Variants in CA10 observed in about 807,000 individuals in gnomAD.
The protein encoded by CA10 is carbonic anhydrase 10 (inactive).
In CA10, 14 loss-of-function variants were observed where a neutral mutation model predicts 44.2. That is an observed-to-expected ratio of 0.32 (90% CI 0.21 to 0.50). CA10 has a LOEUF of 0.50. Ranked by LOEUF, CA10 falls within the 20% of genes least tolerant of loss-of-function variation. The pLI is 0.99. For missense variants in CA10, 350 were observed against 409.7 expected, an observed-to-expected ratio of 0.85 and a Z score of 1.26; for synonymous variants, 159 against 141.6, an observed-to-expected ratio of 1.12 and a Z score of -0.87.
intron 4 of CA10, among the ~76,000 whole-genome samples, chr17:51,675,642 G>A (rs1914601683): frequency 6.6e-6 from 1 of 151,816 alleles, no homozygotes; most frequent in African/African-American, 2.4e-5. Context: ...CTTGAACCCT[G>A]GGGGCGGAGG....
At chr17:51,912,028 A>G (rs1981809137) in intron 3 of CA10, among the ~76,000 whole-genome samples, 1 of 152,160 alleles carries the variant, frequency 6.6e-6, no homozygotes, top group Non-Finnish European at 1.5e-5. Flanking sequence ...CACTTCATGA[A>G]GACTAACAAG....
intron 2 of CA10, among the ~76,000 whole-genome samples, chr17:51,960,437 C>A (rs541749836): frequency 6.6e-6 from 1 of 152,042 alleles, no homozygotes; most frequent in African/African-American, 2.4e-5. Context: ...AAAAAAATTT[C>A]ATGCAAATTC....
chr17:51,987,826 G>A (rs1261025371), intron 2 of CA10, among the ~76,000 whole-genome samples: 1 of 151,694 alleles, frequency 6.6e-6, no homozygotes, highest in Admixed American at 6.6e-5. Context: ...AAATTTGAGG[G>A]AATTTGTCAT....
At chr17:51,722,162 T>C (rs1916369928) in intron 4 of CA10, among the ~76,000 whole-genome samples, 1 of 152,204 alleles carries the variant, frequency 6.6e-6, no homozygotes, top group South Asian at 2.1e-4. Context: ...CTGGAGAATT[T>C]GCTGGTGTTA....
At chr17:51,987,727 A>G (rs1001861065) in intron 2 of CA10, among the ~76,000 whole-genome samples, 3 of 151,996 alleles carry the variant, frequency 2.0e-5, no homozygotes, top group African/African-American at 7.2e-5. Flanking sequence ...GCAATAAATA[A>G]CAACTCAAAA....
chr17:51,749,375 G>T (rs780482384), intron 3 of CA10, among the ~76,000 whole-genome samples: 1 of 152,160 alleles, frequency 6.6e-6, no homozygotes, highest in Non-Finnish European at 1.5e-5. Flanking sequence ...TCACTTCTTC[G>T]TGGAGCCGTG....
chr17:51,662,583 T>C (rs1914047540), intron 4 of CA10, among the ~76,000 whole-genome samples: 1 of 152,216 alleles, frequency 6.6e-6, no homozygotes, highest in Non-Finnish European at 1.5e-5. Context: ...AACTTATTTA[T>C]AGAAAGTCAT....
At chr17:52,151,942 A>C (rs977711182) in intron 1 of CA10, among the ~76,000 whole-genome samples, 1 of 152,128 alleles carries the variant, frequency 6.6e-6, no homozygotes, top group Admixed American at 6.5e-5. Context: ...ATGTGTATGC[A>C]TTGGCCAATG....
intron 4 of CA10, among the ~76,000 whole-genome samples, chr17:51,658,899 T>G (rs1467059650): frequency 6.6e-6 from 1 of 152,116 alleles, no homozygotes; most frequent in Non-Finnish European, 1.5e-5. Context: ...TTGCAACTAT[T>G]CTCTTTGTGT....
At chr17:51,761,212 C>T (rs1288442654) in intron 3 of CA10, 1 of 152,134 alleles carries the variant, frequency 6.6e-6, no homozygotes, top group Non-Finnish European at 1.5e-5. Flanking sequence ...GTTTCCTACC[C>T]CCAAAACAGA....
intron 1 of CA10, among the ~76,000 whole-genome samples, chr17:52,108,194 T>TTATATATATATA (rs71149392): frequency 6.9e-5 from 4 of 57,998 alleles, no homozygotes; most frequent in Non-Finnish European, 1.1e-4. Context: ...TATATATTTT[T>TTATATATATATA]TATATATATA....
intron 3 of CA10, among the ~76,000 whole-genome samples, chr17:51,913,608 G>A (rs1348115995): frequency 6.6e-6 from 1 of 152,138 alleles, no homozygotes; most frequent in Admixed American, 6.5e-5. Flanking sequence ...GGGAGTAGCT[G>A]TGTCATGTTT....
At chr17:52,088,832 G>C (rs1031790034) in intron 1 of CA10, among the ~76,000 whole-genome samples, 5 of 152,100 alleles carry the variant, frequency 3.3e-5, no homozygotes, top group African/African-American at 1.2e-4. Flanking sequence ...TAAAATCACA[G>C]GTGAGGCAGA....
At chr17:51,726,242 T>G (rs921341700) in intron 4 of CA10, among the ~76,000 whole-genome samples, 3 of 139,558 alleles carry the variant, frequency 2.1e-5, no homozygotes, top group Non-Finnish European at 4.8e-5. Flanking sequence ...CCACTTTCTC[T>G]GAGAGGCTGA....
intron 4 of CA10, among the ~76,000 whole-genome samples, chr17:51,715,296 A>G (rs943661291): frequency 5.9e-5 from 9 of 152,142 alleles, no homozygotes; most frequent in Admixed American, 4.6e-4. Context: ...CAGCACACCA[A>G]CATGGCACAC....
intron 3 of CA10, among the ~76,000 whole-genome samples, chr17:51,820,458 G>A (rs528161773): frequency 6.7e-5 from 8 of 119,352 alleles, no homozygotes; most frequent in African/African-American, 1.9e-4. Context: ...CTCCTAGTTT[G>A]AACCTGTTCT....
intron 3 of CA10, among the ~76,000 whole-genome samples, chr17:51,811,822 C>A (rs947648699): frequency 1.3e-5 from 2 of 152,160 alleles, no homozygotes; most frequent in African/African-American, 2.4e-5. Context: ...AGTTTTAACC[C>A]TGCTGCATTC....
At chr17:51,705,834 A>G (rs1375230172) in intron 4 of CA10, among the ~76,000 whole-genome samples, 1 of 152,164 alleles carries the variant, frequency 6.6e-6, no homozygotes, top group Non-Finnish European at 1.5e-5. Context: ...AGAGATGGAA[A>G]AAACAAAAGG....
chr17:51,827,353 CATACACACACACAT>C (rs1467261006), intron 3 of CA10, among the ~76,000 whole-genome samples: 2 of 149,802 alleles, frequency 1.3e-5, no homozygotes, highest in Non-Finnish European at 2.9e-5. Flanking sequence ...CACACACACA[CATACACACACACAT>C]ACACACACAC....
Sources: allele counts gnomAD v4.1 joint callset (sites outside exome capture counted in the v4.1 genomes callset), GRCh38; gene constraint gnomAD v4.1.1; transcripts MANE v1.5; gene names NCBI Gene and HGNC (gene_info 2026-07-23, HGNC 2026-07-21).